The following ABCA6 variants were observed in gnomAD, a reference collection of about 807,000 sequenced individuals.
ABCA6 encodes the protein ATP-binding cassette sub-family A member 6.
ABCA6 carries 164 observed loss-of-function variants against 191.2 expected under a neutral mutation model. The ratio of observed to expected loss-of-function variants is 0.86; its 90% confidence interval spans 0.76 to 0.98. The LOEUF (loss-of-function observed/expected upper bound fraction) is 0.98. Ranked by LOEUF, ABCA6 falls within the 50% of genes least tolerant of loss-of-function variation. The pLI, the probability that ABCA6 is intolerant of heterozygous loss-of-function variation, is 0.00. For missense variants in ABCA6, 1,958 were observed against 1,894.1 expected (o/e 1.03, Z -0.63); for synonymous variants, 636 against 647.7 (o/e 0.98, Z 0.27).
intron 3 of ABCA6, among the ~76,000 whole-genome samples, chr17:69,137,062 T>C (rs1254875305): frequency 2.6e-5 from 4 of 152,194 alleles, no homozygotes; most frequent in African/African-American, 9.6e-5. Context: ...CTGGGTTTAG[T>C]TATATTCCAG....
chr17:69,081,191 GA>G, intron 36 of ABCA6, 46 bp from the exon 37 acceptor site: 3 of 999,818 alleles, frequency 3.0e-6, no homozygotes, highest in South Asian at 3.0e-5. Flanking sequence ...TTCAAGGGGA[GA>G]AAATGAGCAT....
At position 69,133,876 on chromosome 17, in the gene ABCA6, G is replaced by C. The variant is rs752491624; in HGVS notation, c.565-9C>G. On this transcript the variant is annotated splice_polypyrimidine_tract_variant and intron_variant, in intron 5 of 38. Transcript: ENST00000284425. ...GGGTGATTGGTTGTGATCTAAAGTA[G>C]AGTTTAAACAAACATAATTATTATT... 1 of 1,507,776 alleles carries C rather than the reference G, an allele frequency of 6.6e-7. No individual in the cohort carries two copies. Among genetic ancestry groups the C allele is most frequent in the African/African-American group, 1.4e-5 (1 of 71,468 alleles). The allele number at this position is 1,507,776 out of a possible 1,614,324, so 93.4% of individuals were successfully genotyped here.
At chr17:69,090,421 C>A (rs751986730) in intron 26 of ABCA6, among the ~76,000 whole-genome samples, 1 of 152,200 alleles carries the variant, frequency 6.6e-6, no homozygotes, top group Admixed American at 6.5e-5. Context: ...CTCTGCAGAA[C>A]ATGCTTACCT....
At chr17:69,113,163 C>T in intron 15 of ABCA6, 59 bp downstream of exon 15, 1 of 1,553,870 alleles carries the variant, frequency 6.4e-7, no homozygotes, top group Non-Finnish European at 8.6e-7. Context: ...TGGGAATAGA[C>T]CTCGCTTCTA....
chr17:69,113,324 G>T lies in ABCA6; in HGVS notation c.1939C>A (p.Pro647Thr), dbSNP rs752784545. The T allele has an allele frequency of 1.9e-6, 3 of 1,592,738 alleles. No individual in the cohort carries two copies. The highest frequency in any genetic ancestry group is 2.6e-6 in the Non-Finnish European group (3 of 1,174,842). ...CTCCACACTTGATCTCTGGAAAAGG[G>T]ATCCAATCCAGTAGTTGGTTCATCT... Reference protein sequence around the residue: ...LLDEPTTGLDPFSRDQVWSLL... With the variant: ...LLDEPTTGLDTFSRDQVWSLL... Residue 647 changes from proline (P) to threonine (T), a missense_variant, in exon 15 of 39, where the codon CCC becomes ACC. Transcript: ENST00000284425.
chr17:69,139,034 G>C (rs2144728221), intron 2 of ABCA6, among the ~76,000 whole-genome samples: 1 of 152,188 alleles, frequency 6.6e-6, no homozygotes, highest in Non-Finnish European at 1.5e-5. Context: ...ACATAAGCAG[G>C]GGCAAGGACT....
In ABCA6 at chr17:69,089,529, T is replaced by C; in HGVS notation, c.3542A>G (p.His1181Arg). Residue 1181 changes from histidine (H) to arginine (R), a missense_variant, in exon 27 of 39, where the codon CAC (histidine) becomes CGC (arginine). Transcript: ENST00000284425. ...ATTTGCCTCTGGAAATTCTCTGTAG[T>C]GCTCCTGGTCTCTCTGAAAAGACAA... ...KTFLEVRDQE[H>R]YREFPEANFE... 3 of 1,613,416 alleles carry C rather than the reference T, an allele frequency of 1.9e-6. No individual in the cohort carries two copies. Among genetic ancestry groups the C allele is most frequent in the East Asian group, 2.2e-5 (1 of 44,840 alleles).
intron 10 of ABCA6, among the ~76,000 whole-genome samples, chr17:69,122,911 G>A (rs965787783): frequency 1.3e-5 from 2 of 151,000 alleles, no homozygotes; most frequent in Admixed American, 6.6e-5. Flanking sequence ...TGATGCTCTC[G>A]GTTAATAATT....
intron 10 of ABCA6, among the ~76,000 whole-genome samples, chr17:69,119,502 G>A (rs1026808666): frequency 3.9e-5 from 6 of 151,956 alleles, no homozygotes; most frequent in African/African-American, 1.4e-4. Context: ...AGGAAACAGG[G>A]TGATTTATTT....
rs1214931742 is a variant in ABCA6, at chr17:69,137,832, CTAGA to C, written c.97-336_97-333del. On this transcript the variant is annotated intron_variant, in intron 2 of 38. Coordinates refer to ENST00000284425, the MANE Select transcript of ABCA6 (RefSeq NM_080284.3). ...TAGAATTTATAAGACATGGAGTATC[CTAGA>C]TAGAGTTTATGGTGGCAAATAGCAA... Among the ~76,000 whole-genome samples, 6 of 152,052 alleles carry C rather than the reference CTAGA, an allele frequency of 3.9e-5. No homozygotes were observed. The East Asian group carries it at 1.2e-3, about 29-fold the overall frequency.
chr17:69,081,789 C>T (rs529672548), intron 36 of ABCA6, among the ~76,000 whole-genome samples: 1 of 152,132 alleles, frequency 6.6e-6, no homozygotes, highest in African/African-American at 2.4e-5. Context: ...TCCTTGATTC[C>T]CCCTCCTCCC....
At chr17:69,140,542 G>GA (rs2144731326) in intron 2 of ABCA6, 66 bp downstream of exon 2, 1 of 880,780 alleles carries the variant, frequency 1.1e-6, no homozygotes, top group South Asian at 2.2e-5. Context: ...GAACATAAGA[G>GA]AATCAGTAGG....
chr17:69,105,112 G>C (rs1448825881), intron 20 of ABCA6: 2 of 218,056 alleles, frequency 9.2e-6, no homozygotes, highest in Non-Finnish European at 1.8e-5. Flanking sequence ...AGTGTGTATT[G>C]CCTTTGTGGT....
chr17:69,115,585 T>A, intron 11 of ABCA6, 99 bp from the exon 12 acceptor site: 2 of 741,024 alleles, frequency 2.7e-6, no homozygotes, highest in Non-Finnish European at 4.3e-6. Flanking sequence ...TTTAGTTTAG[T>A]GGCATATTTC....
At position 69,121,546 on chromosome 17, in the gene ABCA6, T is replaced by A. The variant is rs561250063; in HGVS notation, c.1436+1693A>T. ...AAGAATCCAGACCAAGTGACAGGTG[T>A]ACCCAGTCAACACTGTATACATTGG... On this transcript the variant is annotated intron_variant, in intron 10 of 38. Coordinates refer to ENST00000284425, the MANE Select transcript of ABCA6 (RefSeq NM_080284.3). Among the ~76,000 whole-genome samples, 229 of 151,926 alleles carry A rather than the reference T, an allele frequency of 1.5e-3. 1 individual carries two copies. Among genetic ancestry groups the A allele is most frequent in the Admixed American group, 2.4e-3 (36 of 15,240 alleles).
chr17:69,140,769 TA>T, intron 1 of ABCA6, 21 bp from the exon 2 acceptor site: 1 of 1,076,172 alleles, frequency 9.3e-7, no homozygotes. Context: ...ATAAGTGTAA[TA>T]AGAAAAACCT....
chr17:69,091,490 C>T (rs2072921577), intron 25 of ABCA6, among the ~76,000 whole-genome samples: 1 of 151,922 alleles, frequency 6.6e-6, no homozygotes, highest in Non-Finnish European at 1.5e-5. Flanking sequence ...AGACTGGCGA[C>T]TAAGGTGAAA....
In ABCA6 at chr17:69,134,705, T is replaced by C. The variant is rs1276779818; in HGVS notation, c.498A>G (p.Thr166=). 2.5e-6 allele frequency: 4 copies of C among 1,613,730 alleles called. No homozygotes were observed. The highest frequency in any genetic ancestry group is 1.3e-5 in the African/African-American group (1 of 74,986). The change falls in exon 5 of 39, where the codon ACA becomes ACG. Residue 166 remains threonine (T), a synonymous_variant. Transcript: ENST00000284425. ...ATCCTCTATTCCAGTATTTGGTCAATGTACATGAAAACTCACCATATCCAT... is the reference window on the plus strand; with the variant it reads ...ATCCTCTATTCCAGTATTTGGTCAACGTACATGAAAACTCACCATATCCAT... ...CWDGYGEFSC[T]LTKYWNRGFV...
At chr17:69,119,421 C>A (rs1413207398) in intron 10 of ABCA6, among the ~76,000 whole-genome samples, 1 of 152,040 alleles carries the variant, frequency 6.6e-6, no homozygotes, top group Non-Finnish European at 1.5e-5. Flanking sequence ...TTCAACTATT[C>A]TTCTCTTGTT....
Sources: allele counts gnomAD v4.1 joint callset (sites outside exome capture counted in the v4.1 genomes callset), GRCh38; gene constraint gnomAD v4.1.1; transcripts MANE v1.5; gene names NCBI Gene and HGNC (gene_info 2026-07-23, HGNC 2026-07-21).